The following GPC5 variants were observed in gnomAD, a reference collection of about 807,000 sequenced individuals.
GPC5 encodes the protein glypican-5.
In GPC5, 47 loss-of-function variants were observed where a neutral mutation model predicts 53.9. The ratio of observed to expected loss-of-function variants is 0.87; its 90% confidence interval spans 0.69 to 1.11. GPC5 has a LOEUF of 1.11. Ranked by LOEUF, GPC5 falls within the 50% of genes most tolerant of loss-of-function variation. GPC5 has a pLI of 0.00. For synonymous variants in GPC5, 286 were observed against 263.3 expected (o/e 1.09, Z -0.84); for missense variants, 748 against 713.1 (o/e 1.05, Z -0.56).
intron 7 of GPC5, among the ~76,000 whole-genome samples, chr13:92,356,989 T>TTAC (rs1566554574): frequency 4.6e-5 from 7 of 152,002 alleles, no homozygotes; most frequent in African/African-American, 1.7e-4. Context: ...ACTCCTGCAT[T>TTAC]AGTTTGTTAT....
chr13:91,452,191 C>A (rs1480210806), intron 2 of GPC5, among the ~76,000 whole-genome samples: 2 of 151,786 alleles, frequency 1.3e-5, no homozygotes, highest in Non-Finnish European at 2.9e-5. Context: ...GCCCTGTTGC[C>A]CCATCTGGTC....
At position 91,399,214 on chromosome 13, in the gene GPC5, G is replaced by A; in HGVS notation, c.163+5G>A. ...TGCCGGATTCGCCGCGGGCAGGTAA[G>A]GGGCAATGAGGGGGTCTCTGGACTG... On this transcript the variant is annotated splice_donor_5th_base_variant and intron_variant, in intron 1 of 7. Transcript: ENST00000377067. 6.2e-7 allele frequency: 1 copy of A among 1,610,682 alleles called. No homozygotes were observed. The highest frequency in any genetic ancestry group is 1.3e-5 in the African/African-American group (1 of 75,024).
intron 5 of GPC5, among the ~76,000 whole-genome samples, chr13:91,834,684 G>T (rs1044914779): frequency 3.9e-5 from 6 of 152,144 alleles, no homozygotes; most frequent in Non-Finnish European, 5.9e-5. Context: ...AGGAAAACTG[G>T]CTAGCCATAT....
intron 7 of GPC5, among the ~76,000 whole-genome samples, chr13:92,715,833 C>T (rs1447724413): frequency 6.6e-6 from 1 of 152,138 alleles, no homozygotes; most frequent in Non-Finnish European, 1.5e-5. Context: ...ATACAACAAA[C>T]ATGTTTTCTG....
At chr13:92,337,040 G>C (rs1426202644) in intron 7 of GPC5, among the ~76,000 whole-genome samples, 3 of 151,922 alleles carry the variant, frequency 2.0e-5, no homozygotes, top group African/African-American at 7.3e-5. Context: ...TCTCCCACTG[G>C]GTCCTTCCCA....
chr13:91,865,799 T>C (rs2039076914), intron 5 of GPC5, among the ~76,000 whole-genome samples: 1 of 152,206 alleles, frequency 6.6e-6, no homozygotes, highest in Non-Finnish European at 1.5e-5. Flanking sequence ...CTCTTGTGAC[T>C]TTCTGTCTCC....
chr13:92,500,354 C>A (rs149033293), intron 7 of GPC5, among the ~76,000 whole-genome samples: 1 of 152,058 alleles, frequency 6.6e-6, no homozygotes, highest in Admixed American at 6.6e-5. Flanking sequence ...ATTCAGCACA[C>A]AATAAATGAC....
At chr13:92,243,202 G>T (rs980559714) in intron 7 of GPC5, among the ~76,000 whole-genome samples, 6 of 152,122 alleles carry the variant, frequency 3.9e-5, no homozygotes, top group Admixed American at 1.3e-4. Flanking sequence ...ATTTCTCACA[G>T]ACTTTTCACA....
At chr13:91,866,799 C>T (rs9523440) in intron 5 of GPC5, among the ~76,000 whole-genome samples, 49,822 of 152,132 alleles carry the variant, frequency 0.33, 9,695 homozygotes, top group East Asian at 0.65. Flanking sequence ...ATTGCGGTTG[C>T]CTTCTATCTT....
At chr13:91,586,072 C>T (rs1029363803) in intron 2 of GPC5, among the ~76,000 whole-genome samples, 5 of 140,212 alleles carry the variant, frequency 3.6e-5, no homozygotes, top group African/African-American at 1.3e-4. Flanking sequence ...ATTTCTTGAT[C>T]TTATTCAAGA....
chr13:91,736,531 T>C (rs184420264), intron 4 of GPC5, among the ~76,000 whole-genome samples: 2 of 151,260 alleles, frequency 1.3e-5, no homozygotes, highest in Admixed American at 1.3e-4. Context: ...AAAATATAAA[T>C]GACTGAGAAC....
intron 5 of GPC5, among the ~76,000 whole-genome samples, chr13:91,787,747 A>G (rs1366273117): frequency 6.6e-6 from 1 of 152,202 alleles, no homozygotes; most frequent in Admixed American, 6.5e-5. Flanking sequence ...AAACATGTAT[A>G]TTTATGTAAA....
intron 7 of GPC5, among the ~76,000 whole-genome samples, chr13:92,641,306 G>C (rs1885587516): frequency 6.6e-6 from 1 of 152,030 alleles, no homozygotes; most frequent in Admixed American, 6.6e-5. Flanking sequence ...ACTTGCAGCT[G>C]TATAACCGAG....
At chr13:92,835,010 T>A (rs1878175658) in intron 7 of GPC5, among the ~76,000 whole-genome samples, 1 of 152,118 alleles carries the variant, frequency 6.6e-6, no homozygotes, top group Admixed American at 6.5e-5. Context: ...TCTCTCGAGC[T>A]TGGTTTGTAA....
intron 7 of GPC5, among the ~76,000 whole-genome samples, chr13:92,437,467 T>C (rs1008024489): frequency 1.3e-5 from 2 of 152,100 alleles, no homozygotes; most frequent in East Asian, 3.9e-4. Context: ...AACCTGTAAA[T>C]AATATACACA....
At chr13:92,578,558 C>T (rs1235885221) in intron 7 of GPC5, among the ~76,000 whole-genome samples, 1 of 152,130 alleles carries the variant, frequency 6.6e-6, no homozygotes, top group African/African-American at 2.4e-5. Context: ...GTCCAAAGGC[C>T]TGAGAACCTG....
At chr13:92,228,340 G>GTTTTATA in intron 7 of GPC5, among the ~76,000 whole-genome samples, 1 of 152,056 alleles carries the variant, frequency 6.6e-6, no homozygotes, top group Non-Finnish European at 1.5e-5. Context: ...TAAAATTATT[G>GTTTTATA]TAATATTTTG....
intron 2 of GPC5, among the ~76,000 whole-genome samples, chr13:91,513,139 A>G (rs1885321003): frequency 6.6e-6 from 1 of 152,184 alleles, no homozygotes; most frequent in Non-Finnish European, 1.5e-5. Flanking sequence ...CCTGACATGC[A>G]TTAGCTCTTT....
At chr13:92,215,054 G>T (rs1389753282) in intron 7 of GPC5, among the ~76,000 whole-genome samples, 1 of 152,178 alleles carries the variant, frequency 6.6e-6, no homozygotes, top group Non-Finnish European at 1.5e-5. Context: ...CTCTGGAATT[G>T]TAACACAGTC....
Sources: gnomAD v4.1 joint callset for allele counts (sites outside exome capture counted in the v4.1 genomes callset) on GRCh38, gnomAD v4.1.1 for gene constraint, MANE v1.5 for transcripts, NCBI Gene and HGNC (gene_info 2026-07-23, HGNC 2026-07-21) for gene names.